Variants in MED13L observed in about 807,000 individuals in gnomAD.
The protein encoded by MED13L is mediator of RNA polymerase II transcription subunit 13-like.
Under a neutral mutation model 220.9 loss-of-function variants are expected in MED13L, and 7 were observed. The ratio of observed to expected loss-of-function variants is 0.03; its 90% CI spans 0.02 to 0.06. MED13L has a LOEUF of 0.06. Among genes scored for constraint, MED13L ranks in the 10% least tolerant of loss-of-function variants. The pLI is 1.00. For missense variants in MED13L, 1,965 were observed against 2,760.5 expected, an observed-to-expected ratio of 0.71 and a Z score of 6.46; for synonymous variants, 1,011 against 1,015.2, an observed-to-expected ratio of 1.00 and a Z score of 0.08.
intron 2 of MED13L, among the ~76,000 whole-genome samples, chr12:116,148,809 C>A (rs1286377907): frequency 6.6e-6 from 1 of 152,086 alleles, no homozygotes; most frequent in Non-Finnish European, 1.5e-5. Context: ...CAATCAATAA[C>A]CACACTTTGA....
At chr12:116,243,040 A>C (rs926458422) in intron 1 of MED13L, among the ~76,000 whole-genome samples, 1 of 152,222 alleles carries the variant, frequency 6.6e-6, no homozygotes, top group Non-Finnish European at 1.5e-5. Flanking sequence ...CTGGTATAAG[A>C]GTGCCCACGT....
At chr12:116,108,023 G>A (rs894055884) in intron 3 of MED13L, among the ~76,000 whole-genome samples, 3 of 151,960 alleles carry the variant, frequency 2.0e-5, no homozygotes, top group South Asian at 2.1e-4. Flanking sequence ...CTGGGAGGCG[G>A]AGGTTGCAGT....
intron 2 of MED13L, among the ~76,000 whole-genome samples, chr12:116,168,126 A>C (rs1310609663): frequency 1.3e-5 from 2 of 152,188 alleles, no homozygotes; most frequent in South Asian, 4.1e-4. Flanking sequence ...CTTGTGTACT[A>C]TAGACTACCA....
chr12:116,226,868 C>CA (rs1170342196), intron 2 of MED13L, among the ~76,000 whole-genome samples: 9,129 of 63,366 alleles, frequency 0.14, 433 homozygotes, highest in Middle Eastern at 0.29. Context: ...GACTCCATCT[C>CA]AAAAAAAAAA....
At chr12:116,101,681 C>A (rs1052264198) in intron 3 of MED13L, among the ~76,000 whole-genome samples, 1 of 152,088 alleles carries the variant, frequency 6.6e-6, no homozygotes, top group Admixed American at 6.6e-5. Context: ...TTTTAAAGAA[C>A]ATAATTTGCA....
intron 2 of MED13L, among the ~76,000 whole-genome samples, chr12:116,225,055 G>A (rs1868827132): frequency 1.3e-5 from 2 of 152,096 alleles, no homozygotes; most frequent in South Asian, 4.1e-4. Flanking sequence ...TACACCATTT[G>A]ATTGTTATGA....
chr12:115,966,561 A>T (rs1485187802), intron 28 of MED13L, among the ~76,000 whole-genome samples: 1 of 152,236 alleles, frequency 6.6e-6, no homozygotes, highest in Non-Finnish European at 1.5e-5. Flanking sequence ...ACAATCTCTG[A>T]CAGCAGAAGG....
chr12:115,975,322 T>G lies in MED13L; in HGVS notation c.5589-9A>C, dbSNP rs1565987503. On this transcript the variant is annotated splice_polypyrimidine_tract_variant and intron_variant, in intron 24 of 30. Transcript: ENST00000281928. ...CTTTACTCCTCCGTGACCTAACAAATAAAGAAATGGGGAAGGGGAAGGGGT... is the reference window on the plus strand; with the variant it reads ...CTTTACTCCTCCGTGACCTAACAAAGAAAGAAATGGGGAAGGGGAAGGGGT... 7.4e-6 allele frequency: 12 copies of G among 1,613,754 alleles called. No homozygotes were observed. The highest frequency in any genetic ancestry group is 1.1e-5 in the South Asian group (1 of 91,078).
In MED13L at chr12:116,105,088, C is replaced by A. The variant is rs548521112; in HGVS notation, c.395+6340G>T. Among the ~76,000 whole-genome samples the A allele has an allele frequency of 1.4e-3, 216 of 152,282 alleles. 1 individual carries two copies. Among genetic ancestry groups the A allele is most frequent in the African/African-American group, 4.9e-3 (202 of 41,564 alleles). On this transcript the variant is annotated intron_variant, in intron 3 of 30. Coordinates refer to ENST00000281928, the MANE Select transcript of MED13L (RefSeq NM_015335.5). The stretch of plus-strand genomic sequence containing the variant: ...CCTAACAAAGTAACAGCCATTAGGT[C>A]TGCAATACTAAAAATGCCAAATGAA...
intron 1 of MED13L, among the ~76,000 whole-genome samples, chr12:116,269,322 G>A (rs999823667): frequency 3.3e-5 from 5 of 152,024 alleles, no homozygotes; most frequent in African/African-American, 1.2e-4. Context: ...CTCCCAAAGA[G>A]CTGGGATTAC....
chr12:116,183,470 A>G lies in MED13L; in HGVS notation c.310+53998T>C, dbSNP rs144747958. On this transcript the variant is annotated intron_variant, in intron 2 of 30. Coordinates refer to ENST00000281928, the MANE Select transcript of MED13L (RefSeq NM_015335.5). Reference sequence around the variant, plus strand: ...ATATCAAAGTAAAATGACTAGTATTACCAAGAATGACATCTGGTTTTAAAA... The same window carrying G: ...ATATCAAAGTAAAATGACTAGTATTGCCAAGAATGACATCTGGTTTTAAAA... 4.9e-3 allele frequency among the ~76,000 whole-genome samples: 749 copies of G among 152,306 alleles called. 4 individuals are homozygous for G. Among genetic ancestry groups the G allele is most frequent in the Middle Eastern group, 0.014 (4 of 294 alleles).
chr12:116,239,673 CT>C (rs1226257144), intron 1 of MED13L, among the ~76,000 whole-genome samples: 1 of 152,084 alleles, frequency 6.6e-6, no homozygotes, highest in African/African-American at 2.4e-5. Context: ...TGATTATTTC[CT>C]TTAAAGAGAT....
intron 2 of MED13L, among the ~76,000 whole-genome samples, chr12:116,141,569 A>C (rs1415154305): frequency 1.3e-5 from 2 of 152,014 alleles, no homozygotes; most frequent in African/African-American, 4.8e-5. Flanking sequence ...CTTTATCCTA[A>C]CTCTCTTGAC....
In MED13L at chr12:116,149,067, C is replaced by T. The variant is rs183020858; in HGVS notation, c.311-37555G>A. 7.6e-3 allele frequency among the ~76,000 whole-genome samples: 1,162 copies of T among 152,244 alleles called. 11 individuals are homozygous for T. The highest frequency in any genetic ancestry group is 0.027 in the African/African-American group (1,123 of 41,544). ...TTGTTTGAGATACTTTGATCACATC[C>T]GGTATTCATACCTTTGCTCATGCAC... is the stretch of plus-strand genomic sequence containing the variant. On this transcript the variant is annotated intron_variant, in intron 2 of 30. Transcript: ENST00000281928.
At chr12:116,013,141 G>C (rs1026358916) in intron 8 of MED13L, among the ~76,000 whole-genome samples, 5 of 152,212 alleles carry the variant, frequency 3.3e-5, no homozygotes, top group African/African-American at 1.2e-4. Context: ...GGGAGGCTAA[G>C]GTGGGCGGAT....
At chr12:116,158,095 G>T (rs1197560289) in intron 2 of MED13L, among the ~76,000 whole-genome samples, 1 of 151,450 alleles carries the variant, frequency 6.6e-6, no homozygotes, top group Non-Finnish European at 1.5e-5. Context: ...AAGCTGCAAG[G>T]ATCCAGAACC....
chr12:115,986,210 A>G (rs1183573718), intron 19 of MED13L, 56 bp downstream of exon 19: 1 of 1,497,148 alleles, frequency 6.7e-7, no homozygotes, highest in Non-Finnish European at 9.3e-7. Flanking sequence ...AGTCATCACT[A>G]TAAACAATCA....
chr12:116,009,391 C>CA (rs1879255143), intron 9 of MED13L, among the ~76,000 whole-genome samples: 1 of 151,982 alleles, frequency 6.6e-6, no homozygotes, highest in Non-Finnish European at 1.5e-5. Context: ...ATCACTGATT[C>CA]AAAAAAACCC....
At chr12:116,189,707 C>T (rs1488622665) in intron 2 of MED13L, among the ~76,000 whole-genome samples, 2 of 152,172 alleles carry the variant, frequency 1.3e-5, no homozygotes, top group East Asian at 3.8e-4. Flanking sequence ...TGTGCAACCA[C>T]TCCAATAGCA....
Sources: allele counts gnomAD v4.1 joint callset (sites outside exome capture counted in the v4.1 genomes callset), GRCh38; gene constraint gnomAD v4.1.1; transcripts MANE v1.5; gene names NCBI Gene and HGNC (gene_info 2026-07-23, HGNC 2026-07-21).